The following ADO variants were observed in gnomAD, a reference collection of about 807,000 sequenced individuals.
The protein encoded by ADO is 2-aminoethanethiol dioxygenase, also known as 2-aminoethanethiol (cysteamine) dioxygenase.
ADO carries 9 observed loss-of-function variants against 16.6 expected under a neutral mutation model. That is an observed-to-expected ratio of 0.54 (90% confidence interval 0.33 to 0.95). ADO has a LOEUF of 0.95. Ranked by LOEUF, ADO falls within the 40% of genes least tolerant of loss-of-function variation. The pLI, the probability that ADO is intolerant of heterozygous loss-of-function variation, is 0.03. For missense variants in ADO, 356 were observed against 386.4 expected (o/e 0.92, Z 0.66); for synonymous variants, 189 against 179.6 (o/e 1.05, Z -0.42).
chr10:62,804,881 C>G lies in ADO; in HGVS notation c.-179C>G, dbSNP rs1026458864. On this transcript the variant is annotated 5_prime_UTR_variant, in exon 1 of 1. Coordinates refer to ENST00000373783, the MANE Select transcript of ADO (RefSeq NM_032804.6). Reference sequence around the variant, plus strand: ...CAGAGGGGGCTCAAGGCGAGCGCGCCGGGCAGTTGCGGGCGCGTGGCTGCT... The same window carrying G: ...CAGAGGGGGCTCAAGGCGAGCGCGCGGGGCAGTTGCGGGCGCGTGGCTGCT... 4.6e-6 allele frequency: 2 copies of G among 431,014 alleles called. No individual in the cohort carries two copies. Among genetic ancestry groups the G allele is most frequent in the South Asian group, 1.2e-4 (1 of 8,534 alleles). 26.7% of individuals were successfully genotyped at this position (431,014 alleles called of 1,614,324 possible). A position where few individuals can be genotyped will look rare whatever the true frequency, so the allele number is the denominator to read the frequency against.
In ADO at chr10:62,805,955, G is replaced by A. The variant is rs1034306148; in HGVS notation, c.*83G>A. The A allele has an allele frequency of 9.7e-6, 12 of 1,233,660 alleles. No homozygotes were observed. The African/African-American group carries it at 2.0e-4, about 20-fold the overall frequency. The allele number at this position is 1,233,660 out of a possible 1,614,324, so 76.4% of individuals were successfully genotyped here. Reference sequence around the variant, plus strand: ...TGTGTCTCTACCCCCTAGCCTGGGCGTTGGATCTACTGGAATGAGCAGCAG... The same window carrying A: ...TGTGTCTCTACCCCCTAGCCTGGGCATTGGATCTACTGGAATGAGCAGCAG... On this transcript the variant is annotated 3_prime_UTR_variant, in exon 1 of 1. Coordinates refer to ENST00000373783, the MANE Select transcript of ADO (RefSeq NM_032804.6). This position sits in a 1 kb window ranked among gnomAD's most constrained non-coding sequence, Gnocchi z 6.4.
chr10:62,805,304 T>A lies in ADO; in HGVS notation c.245T>A (p.Leu82Gln). ...KATLQPLPPN[L>Q]PPVTYMHIYE... is the part of the protein sequence containing the mutation. ...ACACTGCAGCCGCTGCCGCCCAACC[T>A]GCCGCCAGTCACCTACATGCACATC... Residue 82 changes from leucine to glutamine, a missense_variant, in exon 1 of 1, where the codon CTG (leucine) becomes CAG (glutamine). By Grantham distance (113) the Leu-to-Gln change is moderately radical. Transcript: ENST00000373783. The surrounding 1 kb of genome is among the most constrained non-coding windows in gnomAD (Gnocchi z 6.4). 1 of 1,604,030 alleles carries A rather than the reference T, an allele frequency of 6.2e-7. No homozygotes were observed. The highest frequency in any genetic ancestry group is 8.5e-7 in the Non-Finnish European group (1 of 1,179,258).
Position 62,805,554 on chromosome 10 carries a change from G to T in ADO, c.495G>T (p.Val165=). Residue 165 remains valine, a synonymous_variant, in exon 1 of 1, where the codon GTG becomes GTT. Transcript: ENST00000373783. This position sits in a 1 kb window ranked among gnomAD's most constrained non-coding sequence, Gnocchi z 6.4. The part of the protein sequence containing the change: ...PPLQPREREA[V]RPGVLRSRAE... The stretch of plus-strand genomic sequence containing the variant: ...TGCAGCCCCGGGAGCGAGAAGCCGT[G>T]CGGCCGGGCGTGCTGCGTTCGCGGG... 1 of 1,554,202 alleles carries T rather than the reference G, an allele frequency of 6.4e-7. No individual in the cohort carries two copies.
Position 62,805,504 on chromosome 10 carries a change from C to T in ADO, c.445C>T (p.Pro149Ser). Reference sequence around the variant, plus strand: ...CGGGCAACGGCCGCGGGCCTTGCCGCCCGAGCAGCAGTTCGAGCCGCCGCT... The same window carrying T: ...CGGGCAACGGCCGCGGGCCTTGCCGTCCGAGCAGCAGTTCGAGCCGCCGCT... ...GGGQRPRALP[P>S]EQQFEPPLQP... Residue 149 changes from proline (P) to serine (S), a missense_variant, in exon 1 of 1, where the codon CCC becomes TCC. Physicochemically the swap from Pro to Ser is moderately conservative, Grantham distance 74. Transcript: ENST00000373783. The surrounding 1 kb of genome is among the most constrained non-coding windows in gnomAD (Gnocchi z 6.4). 2 of 1,538,180 alleles carry T rather than the reference C, an allele frequency of 1.3e-6. No individual in the cohort carries two copies. Among genetic ancestry groups the T allele is most frequent in the Non-Finnish European group, 1.7e-6 (2 of 1,145,064 alleles).
At position 62,805,731 on chromosome 10, in the gene ADO, G is replaced by A. The variant is rs1842045241; in HGVS notation, c.672G>A (p.Arg224=). 6.2e-7 allele frequency: 1 copy of A among 1,610,854 alleles called. No individual in the cohort carries two copies. Among genetic ancestry groups the A allele is most frequent in the Non-Finnish European group, 8.5e-7 (1 of 1,179,144 alleles). Residue 224 remains arginine (R), a synonymous_variant, in exon 1 of 1, where the codon CGG becomes CGA. Coordinates refer to ENST00000373783, the MANE Select transcript of ADO (RefSeq NM_032804.6). The surrounding 1 kb of genome is among the most constrained non-coding windows in gnomAD (Gnocchi z 6.4). ...ATGGCCGGGACTGCCACTATTACCGGGTGCTGGAGCCGGTCAGGCCCAAGG... is the reference window on the plus strand; with the variant it reads ...ATGGCCGGGACTGCCACTATTACCGAGTGCTGGAGCCGGTCAGGCCCAAGG... The part of the protein sequence containing the change: ...PDDGRDCHYY[R]VLEPVRPKEA...
Position 62,806,144 on chromosome 10 carries a change from C to G in ADO, c.*272C>G, listed in dbSNP as rs1010033079. 2 of 402,418 alleles carry G rather than the reference C, an allele frequency of 5.0e-6. No homozygotes were observed. Among genetic ancestry groups the G allele is most frequent in the Non-Finnish European group, 9.1e-6 (2 of 218,926 alleles). The allele number at this position is 402,418 out of a possible 1,614,324, so 24.9% of individuals were successfully genotyped here. A position where few individuals can be genotyped will look rare whatever the true frequency, so the allele number is the denominator to read the frequency against. On this transcript the variant is annotated 3_prime_UTR_variant, in exon 1 of 1. Coordinates refer to ENST00000373783, the MANE Select transcript of ADO (RefSeq NM_032804.6). ...GGGCAGGGGACTATCTGAAGCGCTT[C>G]CATCCTAAAGCCATAATGAAAATAT...
Position 62,807,448 on chromosome 10 carries a change from A to G in ADO, c.*1576A>G, listed in dbSNP as rs1842064593. On this transcript the variant is annotated 3_prime_UTR_variant, in exon 1 of 1. Coordinates refer to ENST00000373783, the MANE Select transcript of ADO (RefSeq NM_032804.6). ...TTAGTGGAATGTTGACCCCGTATGTAGAGAAACAGTACGTGCCTTTGCCTC... is the reference window on the plus strand; with the variant it reads ...TTAGTGGAATGTTGACCCCGTATGTGGAGAAACAGTACGTGCCTTTGCCTC... The G allele has an allele frequency of 6.0e-6, 1 of 167,252 alleles. No homozygotes were observed. The highest frequency in any genetic ancestry group is 6.5e-5 in the Admixed American group (1 of 15,290). The allele number at this position is 167,252 out of a possible 1,614,324, so 10.4% of individuals were successfully genotyped here.
rs1417206007 is a variant in ADO at position 62,806,932 on chromosome 10, C to T, written c.*1060C>T. 1.2e-5 allele frequency: 2 copies of T among 167,210 alleles called. No homozygotes were observed. Among genetic ancestry groups the T allele is most frequent in the Admixed American group, 1.3e-4 (2 of 15,288 alleles). The allele number at this position is 167,210 out of a possible 1,614,324, so 10.4% of individuals were successfully genotyped here. On this transcript the variant is annotated 3_prime_UTR_variant, in exon 1 of 1. Transcript: ENST00000373783. Reference sequence around the variant, plus strand: ...TTTAATGTTCCCGACTCGGGTGATTCCAGCTGTGTTGCTGGCAGTGTTGTC... The same window carrying T: ...TTTAATGTTCCCGACTCGGGTGATTTCAGCTGTGTTGCTGGCAGTGTTGTC...
chr10:62,806,988 G>A lies in ADO; in HGVS notation c.*1116G>A, dbSNP rs1842060457. The A allele has an allele frequency of 6.0e-6, 1 of 167,176 alleles. No homozygotes were observed. 10.4% of individuals were successfully genotyped at this position (167,176 alleles called of 1,614,324 possible). A position where few individuals can be genotyped will look rare whatever the true frequency, so the allele number is the denominator to read the frequency against. ...CCTCTCCCTAAAATGACTGAGCCCTGGGTTCATCTAATGTGGTTTTCCTTA... is the reference window on the plus strand; with the variant it reads ...CCTCTCCCTAAAATGACTGAGCCCTAGGTTCATCTAATGTGGTTTTCCTTA... On this transcript the variant is annotated 3_prime_UTR_variant, in exon 1 of 1. Transcript: ENST00000373783.
In ADO at chr10:62,807,070, A is replaced by G. The variant is rs1162733585; in HGVS notation, c.*1198A>G. On this transcript the variant is annotated 3_prime_UTR_variant, in exon 1 of 1. Transcript: ENST00000373783. ...TAGAGAATTGAGAATTAACTATACT[A>G]CTAGCCATTTTAGGGCACCAAAACT... is the stretch of plus-strand genomic sequence containing the variant. 1.2e-5 allele frequency: 2 copies of G among 167,230 alleles called. No individual in the cohort carries two copies. The highest frequency in any genetic ancestry group is 2.1e-4 in the South Asian group (1 of 4,824). The allele number at this position is 167,230 out of a possible 1,614,324, so 10.4% of individuals were successfully genotyped here.
rs1252058697 is a variant in ADO at position 62,806,949 on chromosome 10, A to G, written c.*1077A>G. On this transcript the variant is annotated 3_prime_UTR_variant, in exon 1 of 1. Transcript: ENST00000373783. ...GGGTGATTCCAGCTGTGTTGCTGGCAGTGTTGTCTCAACCCTCTCCCTAAA... is the reference window on the plus strand; with the variant it reads ...GGGTGATTCCAGCTGTGTTGCTGGCGGTGTTGTCTCAACCCTCTCCCTAAA... 6.0e-6 allele frequency: 1 copy of G among 167,242 alleles called. No individual in the cohort carries two copies. Among genetic ancestry groups the G allele is most frequent in the Non-Finnish European group, 1.5e-5 (1 of 68,122 alleles). 10.4% of individuals were successfully genotyped at this position (167,242 alleles called of 1,614,324 possible). A position where few individuals can be genotyped will look rare whatever the true frequency, so the allele number is the denominator to read the frequency against.
Position 62,805,644 on chromosome 10 carries a change from C to A in ADO, c.585C>A (p.Ile195=). 6.2e-7 allele frequency: 1 copy of A among 1,609,262 alleles called. No individual in the cohort carries two copies. The highest frequency in any genetic ancestry group is 8.5e-7 in the Non-Finnish European group (1 of 1,178,536). ...LTPHRDNLHQ[I]DAVEGPAAFL... is the part of the protein sequence containing the mutation. ...CGCACCGGGACAACCTGCACCAGAT[C>A]GACGCCGTGGAAGGGCCTGCCGCCT... is the stretch of plus-strand genomic sequence containing the variant. Residue 195 remains isoleucine, a synonymous_variant, in exon 1 of 1, where the codon ATC becomes ATA. Coordinates refer to ENST00000373783, the MANE Select transcript of ADO (RefSeq NM_032804.6). The surrounding 1 kb of genome is among the most constrained non-coding windows in gnomAD (Gnocchi z 6.4).
chr10:62,806,747 G>A lies in ADO; in HGVS notation c.*875G>A, dbSNP rs1176721918. ...AGAGTAATTCTGTATTTTCTAACGGGAAGATTCAAAGGAGCTGAATGTGTT... is the reference window on the plus strand; with the variant it reads ...AGAGTAATTCTGTATTTTCTAACGGAAAGATTCAAAGGAGCTGAATGTGTT... On this transcript the variant is annotated 3_prime_UTR_variant, in exon 1 of 1. Coordinates refer to ENST00000373783, the MANE Select transcript of ADO (RefSeq NM_032804.6). 6.0e-6 allele frequency: 1 copy of A among 167,040 alleles called. No individual in the cohort carries two copies. Among genetic ancestry groups the A allele is most frequent in the Non-Finnish European group, 1.5e-5 (1 of 68,130 alleles). The allele number at this position is 167,040 out of a possible 1,614,324, so 10.3% of individuals were successfully genotyped here.
At position 62,805,470 on chromosome 10, in the gene ADO, C is replaced by T; in HGVS notation, c.411C>T (p.Asp137=). 1.9e-6 allele frequency: 3 copies of T among 1,541,346 alleles called. No individual in the cohort carries two copies. Among genetic ancestry groups the T allele is most frequent in the Non-Finnish European group, 2.6e-6 (3 of 1,146,970 alleles). ...GCATCAGCTGCATGGACAAGCTAGA[C>T]GCGGGCGGCGGGCAACGGCCGCGGG... The part of the protein sequence containing the change: ...TVRISCMDKL[D]AGGGQRPRAL... Residue 137 remains aspartate (D), a synonymous_variant, in exon 1 of 1, where the codon GAC becomes GAT. Coordinates refer to ENST00000373783, the MANE Select transcript of ADO (RefSeq NM_032804.6). The surrounding 1 kb of genome is among the most constrained non-coding windows in gnomAD (Gnocchi z 6.4).
rs1491004316 is a variant in ADO, at chr10:62,806,192, A to G, written c.*320A>G. 6 of 278,082 alleles carry G rather than the reference A, an allele frequency of 2.2e-5. No homozygotes were observed. The highest frequency in any genetic ancestry group is 1.1e-4 in the African/African-American group (5 of 45,124). The allele number at this position is 278,082 out of a possible 1,614,324, so 17.2% of individuals were successfully genotyped here. On this transcript the variant is annotated 3_prime_UTR_variant, in exon 1 of 1. Transcript: ENST00000373783. The stretch of plus-strand genomic sequence containing the variant: ...TATCTTCCTCTCTTCCCCATTCTAT[A>G]CAAAATACTAAGTGGTTTTCTTGCT...
rs1842045735 is a variant in ADO, at chr10:62,805,756, G to A, written c.697G>A (p.Glu233Lys). The change falls in exon 1 of 1, where the codon GAG becomes AAG. Residue 233 changes from glutamate (E) to lysine (K), a missense_variant. Transcript: ENST00000373783. The surrounding 1 kb of genome is among the most constrained non-coding windows in gnomAD (Gnocchi z 6.4). ...YRVLEPVRPK[E>K]ASSSACDLPR... ...GGTGCTGGAGCCGGTCAGGCCCAAG[G>A]AGGCCTCCAGCTCGGCCTGTGACCT... is the stretch of plus-strand genomic sequence containing the variant. 5 of 1,607,014 alleles carry A rather than the reference G, an allele frequency of 3.1e-6. No homozygotes were observed. The highest frequency in any genetic ancestry group is 1.3e-5 in the African/African-American group (1 of 74,942).
rs1487376038 is a variant in ADO, at chr10:62,805,638, C to T, written c.579C>T (p.His193=). 16 of 1,608,910 alleles carry T rather than the reference C, an allele frequency of 9.9e-6. No homozygotes were observed. The highest frequency in any genetic ancestry group is 1.2e-5 in the Non-Finnish European group (14 of 1,178,406). The change falls in exon 1 of 1, where the codon CAC becomes CAT. Residue 193 remains histidine, a synonymous_variant. Coordinates refer to ENST00000373783, the MANE Select transcript of ADO (RefSeq NM_032804.6). This position sits in a 1 kb window ranked among gnomAD's most constrained non-coding sequence, Gnocchi z 6.4. ...TCACACCGCACCGGGACAACCTGCA[C>T]CAGATCGACGCCGTGGAAGGGCCTG... ...CILTPHRDNL[H]QIDAVEGPAA... is the part of the protein sequence containing the mutation.
Position 62,804,906 on chromosome 10 carries a change from TGA to T in ADO, c.-152_-151del, listed in dbSNP as rs1444994564. 1 of 626,448 alleles carries T rather than the reference TGA, an allele frequency of 1.6e-6. No homozygotes were observed. The highest frequency in any genetic ancestry group is 2.2e-6 in the Non-Finnish European group (1 of 444,902). 38.8% of individuals were successfully genotyped at this position (626,448 alleles called of 1,614,324 possible). A position where few individuals can be genotyped will look rare whatever the true frequency, so the allele number is the denominator to read the frequency against. On this transcript the variant is annotated 5_prime_UTR_variant, in exon 1 of 1. Transcript: ENST00000373783. ...CGGGCAGTTGCGGGCGCGTGGCTGC[TGA>T]GGTTGGCGGCGGTGCCGCGCGCCCG...
Position 62,804,889 on chromosome 10 carries a change from T to G in ADO, c.-171T>G, listed in dbSNP as rs543492782. 6.6e-4 allele frequency: 320 copies of G among 486,582 alleles called. 1 individual carries two copies. Among genetic ancestry groups the G allele is most frequent in the African/African-American group, 6.0e-3 (297 of 49,222 alleles). The allele number at this position is 486,582 out of a possible 1,614,324, so 30.1% of individuals were successfully genotyped here. On this transcript the variant is annotated 5_prime_UTR_variant, in exon 1 of 1. Transcript: ENST00000373783. ...GCTCAAGGCGAGCGCGCCGGGCAGTTGCGGGCGCGTGGCTGCTGAGGTTGG... is the reference window on the plus strand; with the variant it reads ...GCTCAAGGCGAGCGCGCCGGGCAGTGGCGGGCGCGTGGCTGCTGAGGTTGG...
Sources: gnomAD v4.1 joint callset for allele counts on GRCh38, gnomAD v4.1.1 for gene constraint, Gnocchi (gnomAD v3.1) non-coding constraint, MANE v1.5 for transcripts, NCBI Gene and HGNC (gene_info 2026-07-23, HGNC 2026-07-21) for gene names.